ATP2A1: variants seen among roughly 807,000 people sequenced by gnomAD.
The protein encoded by ATP2A1 is sarcoplasmic/endoplasmic reticulum calcium ATPase 1.
A neutral mutation model predicts 109.5 loss-of-function variants in ATP2A1; 83 were observed. That is an observed-to-expected ratio of 0.76 (90% CI 0.63 to 0.91). ATP2A1 has a LOEUF of 0.91. ATP2A1 is among the 40% of genes least tolerant of loss of function. ATP2A1 has a pLI of 0.00. For missense variants in ATP2A1, 1,101 were observed against 1,341.0 expected (o/e 0.82, Z 2.80); for synonymous variants, 505 against 537.6 (o/e 0.94, Z 0.84).
At chr16:28,881,121 C>T (rs1176221464) in intron 4 of ATP2A1, 102 bp downstream of exon 4, 4 of 1,191,328 alleles carry the variant, frequency 3.4e-6, no homozygotes, top group Non-Finnish European at 5.0e-6. Flanking sequence ...CCATACTTGC[C>T]TCTTCCTCTG....
At chr16:28,885,285 C>T (rs1239506028) in intron 6 of ATP2A1, among the ~76,000 whole-genome samples, 1 of 151,576 alleles carries the variant, frequency 6.6e-6, no homozygotes, top group African/African-American at 2.4e-5. Flanking sequence ...AAACAAAACC[C>T]AGCACTGGGG....
chr16:28,887,155 G>A (rs1963636450), intron 6 of ATP2A1, 34 bp from the exon 7 acceptor site: 2 of 1,604,124 alleles, frequency 1.2e-6, no homozygotes, highest in Non-Finnish European at 1.7e-6. Context: ...AGGACATGAT[G>A]TCATCCGAAA....
rs1483359111 is a variant in ATP2A1, at chr16:28,902,530, GC to G, written c.2525-45del. Reference sequence around the variant, plus strand: ...CCACATGAGGCCCTCAACCCTCGATGCCCCCTATCTCCCCAGCCCTGACCCC... The same window carrying G: ...CCACATGAGGCCCTCAACCCTCGATGCCCCTATCTCCCCAGCCCTGACCCC... On this transcript the variant is annotated intron_variant, in intron 17 of 22. Coordinates refer to ENST00000395503, the MANE Select transcript of ATP2A1 (RefSeq NM_004320.6). The surrounding 1 kb of genome is among the most constrained non-coding windows in gnomAD (Gnocchi z 4.8). The G allele has an allele frequency of 4.4e-6, 7 of 1,591,694 alleles. No individual in the cohort carries two copies. Among genetic ancestry groups the G allele is most frequent in the Non-Finnish European group, 6.0e-6 (7 of 1,163,106 alleles).
At chr16:28,891,994 A>T (rs1963785836) in intron 9 of ATP2A1, among the ~76,000 whole-genome samples, 1 of 152,200 alleles carries the variant, frequency 6.6e-6, no homozygotes, top group Admixed American at 6.6e-5. Flanking sequence ...CAAAATTTTT[A>T]AAAACAACTT....
intron 9 of ATP2A1, chr16:28,892,327 A>G: frequency 2.6e-6 from 1 of 385,340 alleles, no homozygotes; most frequent in South Asian, 2.0e-5. Context: ...TCTTCCACTG[A>G]CCTCAGGCCA....
At chr16:28,894,059 A>G in intron 9 of ATP2A1, 96 bp from the exon 10 acceptor site, 1 of 987,852 alleles carries the variant, frequency 1.0e-6, no homozygotes. Flanking sequence ...AATGGTGGGA[A>G]GGTAGGTGTT....
intron 9 of ATP2A1, among the ~76,000 whole-genome samples, chr16:28,890,001 G>C (rs1208081165): frequency 6.6e-6 from 1 of 152,160 alleles, no homozygotes; most frequent in East Asian, 1.9e-4. Flanking sequence ...AATTAGCCGG[G>C]CATGGTGGTG....
rs564506139 is a variant in ATP2A1, at chr16:28,887,361, G to A, written c.631-64G>A. ...AACATGGCGTGTGAGAAGAGATGGC[G>A]TGGGGAGATGCGGCATGAGGGTCAC... is the stretch of plus-strand genomic sequence containing the variant. On this transcript the variant is annotated intron_variant, in intron 7 of 22. Transcript: ENST00000395503. The A allele has an allele frequency of 3.0e-3, 4,917 of 1,612,172 alleles. 10 individuals carry two copies. The highest frequency in any genetic ancestry group is 3.9e-3 in the Non-Finnish European group (4,581 of 1,178,380).
chr16:28,894,082 C>T, intron 9 of ATP2A1, 73 bp from the exon 10 acceptor site: 1 of 1,351,004 alleles, frequency 7.4e-7, no homozygotes. Context: ...CAGTGCAGGC[C>T]TCCCTTGATG....
rs751525085 is a variant in ATP2A1 at position 28,904,213 on chromosome 16, T to C, written c.*71T>C. Reference sequence around the variant, plus strand: ...GATGAAAGAAGGAAGTGAGCATCCTTTTGCTCTGTCCTCCCCACCCCGATA... The same window carrying C: ...GATGAAAGAAGGAAGTGAGCATCCTCTTGCTCTGTCCTCCCCACCCCGATA... On this transcript the variant is annotated 3_prime_UTR_variant, in exon 23 of 23. Transcript: ENST00000395503. 4 of 1,613,594 alleles carry C rather than the reference T, an allele frequency of 2.5e-6. No homozygotes were observed. Among genetic ancestry groups the C allele is most frequent in the Non-Finnish European group, 3.4e-6 (4 of 1,179,674 alleles).
chr16:28,897,590 G>C lies in ATP2A1; in HGVS notation c.1420-410G>C, dbSNP rs533950858. ...GAGTCTCGCTTTGTCGCCCAGGCTG[G>C]AGTACAATGGTGCGATCTTGGCTCA... On this transcript the variant is annotated intron_variant, in intron 12 of 22. Coordinates refer to ENST00000395503, the MANE Select transcript of ATP2A1 (RefSeq NM_004320.6). Among the ~76,000 whole-genome samples the C allele has an allele frequency of 3.3e-5, 5 of 152,290 alleles. No individual in the cohort carries two copies. In the East Asian group the frequency reaches 9.6e-4, roughly 29 times the overall value.
At chr16:28,895,077 C>T in intron 12 of ATP2A1, 124 bp downstream of exon 12, 2 of 1,378,116 alleles carry the variant, frequency 1.5e-6, no homozygotes, top group East Asian at 2.4e-5. Context: ...AGGCAGCAGA[C>T]AGCCCCTGCA....
Position 28,888,704 on chromosome 16 carries a change from T to C in ATP2A1, c.929-83T>C, listed in dbSNP as rs757442158. 122 of 1,496,978 alleles carry C rather than the reference T, an allele frequency of 8.1e-5. 1 individual carries two copies. The highest frequency in any genetic ancestry group is 1.7e-5 in the Admixed American group (1 of 58,122). 92.7% of individuals were successfully genotyped at this position (1,496,978 alleles called of 1,614,324 possible). On this transcript the variant is annotated intron_variant, in intron 8 of 22. Transcript: ENST00000395503. ...ATAGGTGTGCACCAACGTGCCCAGC[T>C]GGGGGCTACTATTTAGCCCCTTGCA...
chr16:28,898,179 G>C lies in ATP2A1; in HGVS notation c.1545+54G>C. ...CTCTTCTTCCTACTCCTAGCCACCTGTCACTGCCCTGGAAGGAAAGTGGTG... is the reference window on the plus strand; with the variant it reads ...CTCTTCTTCCTACTCCTAGCCACCTCTCACTGCCCTGGAAGGAAAGTGGTG... On this transcript the variant is annotated intron_variant, in intron 13 of 22. Coordinates refer to ENST00000395503, the MANE Select transcript of ATP2A1 (RefSeq NM_004320.6). The surrounding 1 kb of genome is among the most constrained non-coding windows in gnomAD (Gnocchi z 4.0). 6.2e-7 allele frequency: 1 copy of C among 1,614,178 alleles called. No individual in the cohort carries two copies. Among genetic ancestry groups the C allele is most frequent in the Non-Finnish European group, 8.5e-7 (1 of 1,180,020 alleles).
rs8044457 is a variant in ATP2A1, at chr16:28,883,663, C to A, written c.464-912C>A. On this transcript the variant is annotated intron_variant, in intron 5 of 22. Coordinates refer to ENST00000395503, the MANE Select transcript of ATP2A1 (RefSeq NM_004320.6). The surrounding 1 kb of genome is among the most constrained non-coding windows in gnomAD (Gnocchi z 5.2). ...CTGGGCATCCACCTCTCCAGCCCCC[C>A]GACAAGGTGGTTTCCATGGCCTGCC... Among the ~76,000 whole-genome samples, 29 of 152,142 alleles carry A rather than the reference C, an allele frequency of 1.9e-4. No individual in the cohort carries two copies. The highest frequency in any genetic ancestry group is 4.0e-4 in the Non-Finnish European group (27 of 68,024).
chr16:28,884,367 G>A (rs764974023), intron 5 of ATP2A1, among the ~76,000 whole-genome samples: 19 of 152,180 alleles, frequency 1.2e-4, no homozygotes, highest in African/African-American at 1.9e-4. Flanking sequence ...CCATCTCGCC[G>A]TGGACACGGG....
intron 8 of ATP2A1, among the ~76,000 whole-genome samples, chr16:28,888,285 G>A (rs766671192): frequency 8.6e-5 from 13 of 151,208 alleles, no homozygotes; most frequent in Admixed American, 2.0e-4. Flanking sequence ...CACCCGCCTC[G>A]GCCTCCCAAA....
chr16:28,883,122 G>A lies in ATP2A1; in HGVS notation c.463+533G>A, dbSNP rs998790710. Among the ~76,000 whole-genome samples, 8 of 152,218 alleles carry A rather than the reference G, an allele frequency of 5.3e-5. No homozygotes were observed. The highest frequency in any genetic ancestry group is 1.2e-4 in the African/African-American group (5 of 41,462). On this transcript the variant is annotated intron_variant, in intron 5 of 22. Transcript: ENST00000395503. This position sits in a 1 kb window ranked among gnomAD's most constrained non-coding sequence, Gnocchi z 5.2. ...GGAGCTCAAGGAGGGCCCCGCCCGCGGCAAGGGACACTTAATGCCTGGCCA... is the reference window on the plus strand; with the variant it reads ...GGAGCTCAAGGAGGGCCCCGCCCGCAGCAAGGGACACTTAATGCCTGGCCA...
Position 28,903,732 on chromosome 16 carries a change from C to G in ATP2A1, c.*28C>G, listed in dbSNP as rs374078531. ...GTTCCCCCTCCTCCATCTCTGAGCC[C>G]GTGTCACAGGTATCACCCCCTTCTT... On this transcript the variant is annotated 3_prime_UTR_variant, in exon 22 of 23. Transcript: ENST00000395503. The surrounding 1 kb of genome is among the most constrained non-coding windows in gnomAD (Gnocchi z 5.6). 1.2e-6 allele frequency: 2 copies of G among 1,613,730 alleles called. No homozygotes were observed. Among genetic ancestry groups the G allele is most frequent in the Non-Finnish European group, 1.7e-6 (2 of 1,179,798 alleles).
Sources: gnomAD v4.1 joint callset for allele counts (sites outside exome capture counted in the v4.1 genomes callset) on GRCh38, gnomAD v4.1.1 for gene constraint, Gnocchi (gnomAD v3.1) non-coding constraint, MANE v1.5 for transcripts, NCBI Gene and HGNC (gene_info 2026-07-23, HGNC 2026-07-21) for gene names.